Variants in KCNJ6 observed in about 807,000 individuals in gnomAD.
KCNJ6 encodes the protein potassium inwardly rectifying channel subfamily J member 6.
A neutral mutation model predicts 34.2 loss-of-function variants in KCNJ6; 9 were observed. The observed-to-expected ratio is 0.26, with a 90% CI of 0.16 to 0.46. KCNJ6 has a LOEUF of 0.46. Ranked by LOEUF, KCNJ6 falls within the 20% of genes least tolerant of loss-of-function variation. KCNJ6 has a pLI of 1.00. For synonymous variants in KCNJ6, 196 were observed against 207.1 expected (o/e 0.95, Z 0.46); for missense variants, 236 against 531.3 (o/e 0.44, Z 5.46).
chr21:37,686,882 G>T (rs1296262130), intron 3 of KCNJ6, among the ~76,000 whole-genome samples: 1 of 152,124 alleles, frequency 6.6e-6, no homozygotes, highest in Non-Finnish European at 1.5e-5. Flanking sequence ...CAGGAAGGAA[G>T]GCAGGGGTTG....
chr21:37,798,187 T>C (rs1444652017), intron 2 of KCNJ6, among the ~76,000 whole-genome samples: 1 of 152,230 alleles, frequency 6.6e-6, no homozygotes, highest in African/African-American at 2.4e-5. Context: ...GGGAAGTATC[T>C]GGCCTTGGAA....
At chr21:37,743,671 C>G (rs2054952232) in intron 2 of KCNJ6, among the ~76,000 whole-genome samples, 1 of 152,074 alleles carries the variant, frequency 6.6e-6, no homozygotes, top group South Asian at 2.1e-4. Flanking sequence ...ATGCTAGCCC[C>G]TCCATCTTAG....
chr21:37,655,951 G>A (rs2054461842), intron 3 of KCNJ6, among the ~76,000 whole-genome samples: 1 of 152,200 alleles, frequency 6.6e-6, no homozygotes, highest in Non-Finnish European at 1.5e-5. Context: ...ACAGCCCTGG[G>A]AGGATGGCAT....
chr21:37,771,176 A>G (rs554475710), intron 2 of KCNJ6, among the ~76,000 whole-genome samples: 7 of 152,320 alleles, frequency 4.6e-5, no homozygotes, highest in Admixed American at 3.3e-4. Flanking sequence ...AACATGGCTT[A>G]GCAGTAGTCC....
At chr21:37,733,524 G>T (rs548771890) in intron 2 of KCNJ6, among the ~76,000 whole-genome samples, 1 of 152,124 alleles carries the variant, frequency 6.6e-6, no homozygotes, top group Non-Finnish European at 1.5e-5. Flanking sequence ...AAACATCTCC[G>T]CATCTCAGCA....
intron 1 of KCNJ6, among the ~76,000 whole-genome samples, chr21:37,853,183 A>C (rs946301496): frequency 6.6e-6 from 1 of 151,880 alleles, no homozygotes; most frequent in Non-Finnish European, 1.5e-5. Context: ...CAAGGAGCCA[A>C]ATGAAACCCA....
chr21:37,616,284 A>C lies in KCNJ6; in HGVS notation c.*8875T>G, dbSNP rs1206169953. 2 of 152,160 alleles carry C rather than the reference A, an allele frequency of 1.3e-5. No homozygotes were observed. The highest frequency in any genetic ancestry group is 2.9e-5 in the Non-Finnish European group (2 of 68,058). The allele number at this position is 152,160 out of a possible 1,614,324, so 9.4% of individuals were successfully genotyped here. The stretch of plus-strand genomic sequence containing the variant: ...AAGAGCACTTTGCCAACACAGGCAG[A>C]CACTTGGGGAGTCAATCATTTTGGA... On this transcript the variant is annotated 3_prime_UTR_variant, in exon 4 of 4. Coordinates refer to ENST00000609713, the MANE Select transcript of KCNJ6 (RefSeq NM_002240.5).
At chr21:37,827,155 T>C (rs1016612141) in intron 2 of KCNJ6, among the ~76,000 whole-genome samples, 1 of 152,150 alleles carries the variant, frequency 6.6e-6, no homozygotes, top group South Asian at 2.1e-4. Flanking sequence ...TGATATTTGG[T>C]TTGGGTTTGA....
intron 1 of KCNJ6, among the ~76,000 whole-genome samples, chr21:37,865,011 A>T (rs1438237894): frequency 6.6e-6 from 1 of 152,000 alleles, no homozygotes; most frequent in African/African-American, 2.4e-5. Flanking sequence ...GGCCCAGAAA[A>T]AGATGTTCTC....
At chr21:37,905,645 C>T (rs187262338) in intron 1 of KCNJ6, among the ~76,000 whole-genome samples, 17 of 152,308 alleles carry the variant, frequency 1.1e-4, no homozygotes, top group Admixed American at 9.8e-4. Flanking sequence ...ATGTTCTCCT[C>T]CCTCACTTAA....
At chr21:37,692,296 C>A (rs552419057) in intron 3 of KCNJ6, among the ~76,000 whole-genome samples, 9 of 152,210 alleles carry the variant, frequency 5.9e-5, no homozygotes, top group African/African-American at 2.2e-4. Context: ...ACTGCCTCTC[C>A]CTTTACCCTT....
In KCNJ6 at chr21:37,884,639, AG is replaced by A. The variant is rs138434791; in HGVS notation, c.-28+31244del. Among the ~76,000 whole-genome samples the A allele has an allele frequency of 8.8e-3, 1,334 of 152,294 alleles. 24 individuals carry two copies. Among genetic ancestry groups the A allele is most frequent in the African/African-American group, 0.03 (1,257 of 41,552 alleles). ...TAAAAGTCAAATTTCACAAAAACTC[AG>A]AGTTCCATAGTCTATCTGCCCCCAA... is the stretch of plus-strand genomic sequence containing the variant. On this transcript the variant is annotated intron_variant, in intron 1 of 3. Transcript: ENST00000609713.
intron 3 of KCNJ6, among the ~76,000 whole-genome samples, chr21:37,643,013 A>T (rs1284820034): frequency 6.6e-6 from 1 of 152,210 alleles, no homozygotes; most frequent in Non-Finnish European, 1.5e-5. Context: ...AAAAACAGAC[A>T]GACCTCCAAG....
chr21:37,871,811 C>G (rs922221155), intron 1 of KCNJ6, among the ~76,000 whole-genome samples: 5 of 147,344 alleles, frequency 3.4e-5, no homozygotes, highest in Non-Finnish European at 6.0e-5. Flanking sequence ...CAAAGTATAA[C>G]CACCTGTTTT....
chr21:37,633,643 C>A (rs1454577701), intron 3 of KCNJ6, among the ~76,000 whole-genome samples: 2 of 152,036 alleles, frequency 1.3e-5, no homozygotes, highest in African/African-American at 4.8e-5. Flanking sequence ...ATGCAGAAAA[C>A]TTATGTATCT....
intron 2 of KCNJ6, among the ~76,000 whole-genome samples, chr21:37,827,108 C>T (rs2055402813): frequency 6.6e-6 from 1 of 152,090 alleles, no homozygotes; most frequent in South Asian, 2.1e-4. Flanking sequence ...AAATAAATCT[C>T]CACTAAGAAA....
intron 3 of KCNJ6, among the ~76,000 whole-genome samples, chr21:37,710,637 TG>T (rs1255569743): frequency 6.6e-5 from 10 of 152,244 alleles, no homozygotes; most frequent in Admixed American, 5.9e-4. Flanking sequence ...AAGGCCGTAG[TG>T]GGGGCTGACT....
intron 2 of KCNJ6, among the ~76,000 whole-genome samples, chr21:37,831,824 C>T (rs776160280): frequency 6.6e-5 from 10 of 152,040 alleles, no homozygotes; most frequent in East Asian, 3.9e-4. Flanking sequence ...GGCGGTCTTG[C>T]GGGGAGAGAC....
intron 2 of KCNJ6, chr21:37,719,362 G>A (rs2054812083): frequency 6.6e-6 from 1 of 152,194 alleles, no homozygotes; most frequent in African/African-American, 2.4e-5. Flanking sequence ...AATTTGAGCG[G>A]GGGATCTGAA....
Sources: allele counts gnomAD v4.1 joint callset (sites outside exome capture counted in the v4.1 genomes callset), GRCh38; gene constraint gnomAD v4.1.1; transcripts MANE v1.5; gene names NCBI Gene and HGNC (gene_info 2026-07-23, HGNC 2026-07-21).